The following ADAMTS19 variants were observed in gnomAD, a reference collection of about 807,000 sequenced individuals.
ADAMTS19 encodes A disintegrin and metalloproteinase with thrombospondin motifs 19.
ADAMTS19 carries 93 observed loss-of-function variants against 153.3 expected under a neutral mutation model. The observed-to-expected ratio is 0.61, with a 90% CI of 0.51 to 0.72. The LOEUF is 0.72. ADAMTS19 is among the 30% of genes least tolerant of loss of function. The probability of loss-of-function intolerance (pLI) is 0.00; values close to 1 mark genes in which losing one functional copy is unlikely to be tolerated. For missense variants in ADAMTS19, 1,482 were observed against 1,552.1 expected, an observed-to-expected ratio of 0.95 and a Z score of 0.76; for synonymous variants, 600 against 556.6, an observed-to-expected ratio of 1.08 and a Z score of -1.10.
At chr5:129,567,016 A>G (rs989780440) in intron 7 of ADAMTS19, among the ~76,000 whole-genome samples, 1 of 152,108 alleles carries the variant, frequency 6.6e-6, no homozygotes, top group Non-Finnish European at 1.5e-5. Context: ...GAAAAAGAGC[A>G]TGGAGAGGGA....
intron 21 of ADAMTS19, among the ~76,000 whole-genome samples, chr5:129,731,999 C>T (rs923697417): frequency 2.0e-5 from 3 of 151,974 alleles, no homozygotes; most frequent in Non-Finnish European, 4.4e-5. Flanking sequence ...CATAAAATAA[C>T]GGTATTTTCT....
At chr5:129,643,383 A>AAAAAAAAAAAAAAAAAG (rs1561622465) in intron 11 of ADAMTS19, among the ~76,000 whole-genome samples, 1 of 108,342 alleles carries the variant, frequency 9.2e-6, no homozygotes, top group Non-Finnish European at 1.9e-5. Flanking sequence ...AAAAAAAAAA[A>AAAAAAAAAAAAAAAAAG]AAAGAAAAAA....
intron 2 of ADAMTS19, among the ~76,000 whole-genome samples, chr5:129,491,142 C>T (rs13360943): frequency 0.01 from 1,527 of 152,138 alleles, 28 homozygotes; most frequent in African/African-American, 0.036. Context: ...GCTGGGACTA[C>T]GGGTGCCCAC....
chr5:129,620,830 C>G, intron 9 of ADAMTS19, 72 bp downstream of exon 9: 2 of 1,498,932 alleles, frequency 1.3e-6, no homozygotes, highest in Non-Finnish European at 1.8e-6. Context: ...AATAGAGAAG[C>G]CAGTGTGGCA....
At position 129,540,195 on chromosome 5, in the gene ADAMTS19, G is replaced by A. The variant is rs117300427; in HGVS notation, c.1328+11518G>A. Among the ~76,000 whole-genome samples the A allele has an allele frequency of 2.0e-4, 31 of 152,128 alleles. No homozygotes were observed. In the East Asian group the frequency reaches 6.0e-3, roughly 29 times the overall value. On this transcript the variant is annotated intron_variant, in intron 6 of 22. Transcript: ENST00000274487. ...CATCGTAGATAACTAGTAAATGTTG[G>A]GGGTTATGTGCATACATTAATAGGA...
At chr5:129,567,376 G>A (rs1753753917) in intron 7 of ADAMTS19, among the ~76,000 whole-genome samples, 1 of 152,082 alleles carries the variant, frequency 6.6e-6, no homozygotes, top group Non-Finnish European at 1.5e-5. Context: ...CCCAACAGAT[G>A]CCAATTCTGA....
rs373570256 is a variant in ADAMTS19, at chr5:129,670,482, CTT to C, written c.2506+4905_2506+4906del. Among the ~76,000 whole-genome samples, 539 of 152,168 alleles carry C rather than the reference CTT, an allele frequency of 3.5e-3. 3 individuals carry two copies. Among genetic ancestry groups the C allele is most frequent in the Admixed American group, 6.7e-3 (102 of 15,266 alleles). ...AAATCTGGTAATAGAGTAACAGAAA[CTT>C]TAAGTTTCTTGCCCAAGGTTACACA... On this transcript the variant is annotated intron_variant, in intron 16 of 22. Transcript: ENST00000274487.
intron 2 of ADAMTS19, among the ~76,000 whole-genome samples, chr5:129,508,120 A>T (rs1487854202): frequency 2.0e-5 from 3 of 151,974 alleles, no homozygotes; most frequent in African/African-American, 7.2e-5. Context: ...TATACATAAA[A>T]TTCATATTGA....
chr5:129,673,112 A>T (rs1754386864), intron 16 of ADAMTS19, among the ~76,000 whole-genome samples: 1 of 151,686 alleles, frequency 6.6e-6, no homozygotes, highest in Non-Finnish European at 1.5e-5. Context: ...CAGTTATTTG[A>T]TCTTTTCAAA....
At chr5:129,520,377 G>A (rs1751758529) in intron 3 of ADAMTS19, among the ~76,000 whole-genome samples, 1 of 152,072 alleles carries the variant, frequency 6.6e-6, no homozygotes, top group South Asian at 2.1e-4. Context: ...TGGATATAAA[G>A]TTTCTTCACG....
intron 7 of ADAMTS19, among the ~76,000 whole-genome samples, chr5:129,566,331 TTTA>T (rs2126853975): frequency 6.6e-6 from 1 of 152,250 alleles, no homozygotes; most frequent in Admixed American, 6.5e-5. Context: ...CTAGTGTTGG[TTTA>T]TTATTTTTAT....
chr5:129,716,189 T>A (rs1756721205), intron 21 of ADAMTS19, among the ~76,000 whole-genome samples: 1 of 152,060 alleles, frequency 6.6e-6, no homozygotes, highest in African/African-American at 2.4e-5. Flanking sequence ...TTTTATTTAT[T>A]TTTTTTGTAT....
chr5:129,639,690 G>A (rs1320312966), intron 10 of ADAMTS19, among the ~76,000 whole-genome samples: 1 of 150,196 alleles, frequency 6.7e-6, no homozygotes, highest in African/African-American at 2.5e-5. Context: ...AGTATGCATT[G>A]GTTAACTAAT....
At position 129,461,385 on chromosome 5, in the gene ADAMTS19, G is replaced by C; in HGVS notation, c.375G>C (p.Ser125=). Residue 125 remains serine, a synonymous_variant, in exon 2 of 23, where the codon TCG becomes TCC. Coordinates refer to ENST00000274487, the MANE Select transcript of ADAMTS19 (RefSeq NM_133638.6). The surrounding 1 kb of genome is among the most constrained non-coding windows in gnomAD (Gnocchi z 4.6). ...SEGEEDEELE[S]QELPRGSSGA... is the part of the protein sequence containing the mutation. ...GTGAGGAGGACGAGGAGCTCGAGTC[G>C]CAGGAGCTGCCGCGGGGATCCAGCG... 2 of 1,349,922 alleles carry C rather than the reference G, an allele frequency of 1.5e-6. No individual in the cohort carries two copies. Among genetic ancestry groups the C allele is most frequent in the Non-Finnish European group, 1.9e-6 (2 of 1,062,178 alleles). The allele number at this position is 1,349,922 out of a possible 1,614,324, so 83.6% of individuals were successfully genotyped here.
intron 7 of ADAMTS19, among the ~76,000 whole-genome samples, chr5:129,593,908 A>G (rs1185662441): frequency 2.0e-5 from 3 of 152,120 alleles, no homozygotes; most frequent in African/African-American, 7.2e-5. Flanking sequence ...TAATCTTTGA[A>G]TCCTTTTCCA....
At chr5:129,614,216 T>G (rs1413787544) in intron 8 of ADAMTS19, among the ~76,000 whole-genome samples, 1 of 152,042 alleles carries the variant, frequency 6.6e-6, no homozygotes, top group African/African-American at 2.4e-5. Flanking sequence ...TACCAAAGCC[T>G]GGCAGAGACA....
intron 21 of ADAMTS19, among the ~76,000 whole-genome samples, chr5:129,728,719 C>A (rs1455055831): frequency 6.6e-6 from 1 of 152,060 alleles, no homozygotes; most frequent in African/African-American, 2.4e-5. Context: ...CTACTTCTAA[C>A]TCCATTGATT....
chr5:129,700,086 G>A (rs887249750), intron 19 of ADAMTS19, among the ~76,000 whole-genome samples: 2 of 152,148 alleles, frequency 1.3e-5, no homozygotes, highest in Admixed American at 6.5e-5. Flanking sequence ...GAAATACAGG[G>A]AAGATTTTAA....
intron 2 of ADAMTS19, among the ~76,000 whole-genome samples, chr5:129,477,913 C>T (rs78971499): frequency 0.024 from 3,685 of 152,268 alleles, 149 homozygotes; most frequent in African/African-American, 0.084. Flanking sequence ...GATACACATT[C>T]AACCATGTGT....
Sources: allele counts gnomAD v4.1 joint callset (sites outside exome capture counted in the v4.1 genomes callset), GRCh38; gene constraint gnomAD v4.1.1; non-coding constraint Gnocchi (gnomAD v3.1); transcripts MANE v1.5; gene names NCBI Gene and HGNC (gene_info 2026-07-23, HGNC 2026-07-21).